Variants in RABGEF1 observed in about 807,000 individuals in gnomAD.
The protein encoded by RABGEF1 is RAB guanine nucleotide exchange factor 1.
Under a neutral mutation model 57.3 loss-of-function variants are expected in RABGEF1, and 26 were observed. The ratio of observed to expected loss-of-function variants is 0.45; its 90% confidence interval spans 0.33 to 0.63. The LOEUF is 0.63. Among genes scored for constraint, RABGEF1 ranks in the 20% least tolerant of loss-of-function variants. The pLI is 0.02. For missense variants in RABGEF1, 464 were observed against 607.6 expected (o/e 0.76, Z 2.48); for synonymous variants, 185 against 210.7 (o/e 0.88, Z 1.06).
chr7:66,714,254 C>T (rs1795105290), intron 2 of RABGEF1, among the ~76,000 whole-genome samples: 1 of 152,162 alleles, frequency 6.6e-6, no homozygotes, highest in African/African-American at 2.4e-5. Context: ...TAGTATGGGA[C>T]TATTCCCATT....
At chr7:66,747,051 C>T (rs947955515) in intron 1 of RABGEF1, among the ~76,000 whole-genome samples, 3 of 152,086 alleles carry the variant, frequency 2.0e-5, no homozygotes, top group African/African-American at 4.8e-5. Flanking sequence ...GCCTTGGCCT[C>T]CCAAAGTGCT....
the RABGEF1 span, among the ~76,000 whole-genome samples, chr7:66,672,285 A>G: frequency 1.4e-5 from 2 of 147,650 alleles, no homozygotes; most frequent in African/African-American, 5.0e-5. Flanking sequence ...AAAAAAAATT[A>G]GCCGGGCGCG....
intron 2 of RABGEF1, among the ~76,000 whole-genome samples, chr7:66,731,090 AG>A (rs1449543015): frequency 1.3e-5 from 2 of 152,218 alleles, no homozygotes; most frequent in Non-Finnish European, 2.9e-5. Context: ...GGGGGCACAC[AG>A]GGACACTGAG....
At chr7:66,722,266 C>A (rs1309987443) in intron 2 of RABGEF1, among the ~76,000 whole-genome samples, 1 of 152,126 alleles carries the variant, frequency 6.6e-6, no homozygotes, top group African/African-American at 2.4e-5. Flanking sequence ...ATGGTGAAAC[C>A]CCACCTTTAC....
chr7:66,793,792 C>T (rs1217221643), intron 4 of RABGEF1, among the ~76,000 whole-genome samples: 1 of 152,148 alleles, frequency 6.6e-6, no homozygotes, highest in African/African-American at 2.4e-5. Flanking sequence ...CTGCTCCTGA[C>T]CCCAAGTGTC....
the RABGEF1 span, among the ~76,000 whole-genome samples, chr7:66,667,160 C>G: frequency 1.3e-5 from 2 of 152,180 alleles, no homozygotes; most frequent in Non-Finnish European, 2.9e-5. Flanking sequence ...TCCAAGGGCA[C>G]CACAGGAGGT....
upstream of RABGEF1, chr7:66,739,806 T>C (rs1004693368): frequency 1.3e-5 from 2 of 152,252 alleles, no homozygotes; most frequent in African/African-American, 4.8e-5. Flanking sequence ...TTGCTGTGAC[T>C]GCACGTTACG....
intron 1 of RABGEF1, chr7:66,755,931 T>C (rs1030453743): frequency 3.1e-6 from 2 of 638,966 alleles, no homozygotes; most frequent in South Asian, 2.7e-5. Context: ...TGTTTTGTTA[T>C]ATTTAACATT....
chr7:66,695,923 A>G (rs1387076354), intron 1 of RABGEF1, among the ~76,000 whole-genome samples: 1 of 151,674 alleles, frequency 6.6e-6, no homozygotes, highest in African/African-American at 2.4e-5. Flanking sequence ...CTGAGATCGC[A>G]CCACCGTACT....
At chr7:66,771,845 G>C (rs1807229104) in intron 1 of RABGEF1, 38 bp from the exon 2 acceptor site, 4 of 1,337,900 alleles carry the variant, frequency 3.0e-6, no homozygotes, top group South Asian at 1.9e-5. Context: ...TTAGTAGAAT[G>C]ATAATTCATT....
chr7:66,804,739 A>G (rs1034944972), intron 7 of RABGEF1, among the ~76,000 whole-genome samples: 13 of 95,492 alleles, frequency 1.4e-4, no homozygotes, highest in East Asian at 6.5e-4. Flanking sequence ...ACTCAGTCTG[A>G]AAAAAAAAAA....
Position 66,792,388 on chromosome 7 carries a change from T to C in RABGEF1, c.514-3123T>C, listed in dbSNP as rs189917503. 5.4e-4 allele frequency among the ~76,000 whole-genome samples: 83 copies of C among 152,294 alleles called. 2 individuals are homozygous for C. Among genetic ancestry groups the C allele is most frequent in the East Asian group, 5.8e-4 (3 of 5,180 alleles). Reference sequence around the variant, plus strand: ...CAGATACTGGCCAAAGACACGAGTCTCCTGGGTCAGAGACAAAGGCCAGTT... The same window carrying C: ...CAGATACTGGCCAAAGACACGAGTCCCCTGGGTCAGAGACAAAGGCCAGTT... On this transcript the variant is annotated intron_variant, in intron 4 of 8. Coordinates refer to ENST00000284957, the MANE Select transcript of RABGEF1 (RefSeq NM_014504.3).
upstream of RABGEF1, among the ~76,000 whole-genome samples, chr7:66,679,155 G>C (rs912884834): frequency 2.0e-5 from 3 of 152,158 alleles, no homozygotes; most frequent in Non-Finnish European, 4.4e-5. Flanking sequence ...AAACAGGTTA[G>C]CGGTGTCAGA....
chr7:66,703,261 C>T (rs978266868), intron 1 of RABGEF1, among the ~76,000 whole-genome samples: 4 of 152,162 alleles, frequency 2.6e-5, no homozygotes, highest in African/African-American at 4.8e-5. Context: ...TATGAGCCAC[C>T]GTGCCTGGCC....
the RABGEF1 span, among the ~76,000 whole-genome samples, chr7:66,669,572 A>G: frequency 6.6e-6 from 1 of 152,168 alleles, no homozygotes; most frequent in Admixed American, 6.5e-5. Flanking sequence ...AGGCAATACT[A>G]AATAATAATA....
At chr7:66,762,980 G>A (rs1804812340) in intron 1 of RABGEF1, among the ~76,000 whole-genome samples, 1 of 152,320 alleles carries the variant, frequency 6.6e-6, no homozygotes, top group Admixed American at 6.5e-5. Flanking sequence ...AAGGATAGCA[G>A]TTTAAAACAC....
chr7:66,705,117 A>G (rs944986263), intron 1 of RABGEF1, among the ~76,000 whole-genome samples: 3 of 151,316 alleles, frequency 2.0e-5, no homozygotes, highest in Non-Finnish European at 4.4e-5. Context: ...AAAGCAATAG[A>G]TGGCCGGGCG....
chr7:66,737,182 G>A, upstream of RABGEF1, among the ~76,000 whole-genome samples: 1 of 151,670 alleles, frequency 6.6e-6, no homozygotes, highest in South Asian at 2.1e-4. Context: ...CTCCCACCTT[G>A]ACCTCCCAAA....
At chr7:66,712,048 T>C (rs1794842215) in intron 1 of RABGEF1, 1 of 152,232 alleles carries the variant, frequency 6.6e-6, no homozygotes, top group Admixed American at 6.5e-5. Context: ...TTTATTCTTA[T>C]TCAAATTTGC....
Sources: gnomAD v4.1 joint callset for allele counts (sites outside exome capture counted in the v4.1 genomes callset) on GRCh38, gnomAD v4.1.1 for gene constraint, MANE v1.5 for transcripts, NCBI Gene and HGNC (gene_info 2026-07-23, HGNC 2026-07-21) for gene names.